Variants in CDH18 observed in about 807,000 individuals in gnomAD.
CDH18 encodes cadherin 18.
CDH18 carries 31 observed loss-of-function variants against 67.9 expected under a neutral mutation model. That is an observed-to-expected ratio of 0.46 (90% CI 0.34 to 0.62). The LOEUF (loss-of-function observed/expected upper bound fraction) is 0.62, where lower values mean the gene tolerates loss of function less well. Among genes scored for constraint, CDH18 ranks in the 20% least tolerant of loss-of-function variants. The pLI, the probability that CDH18 is intolerant of heterozygous loss-of-function variation, is 0.01. For missense variants in CDH18, 890 were observed against 975.5 expected (o/e 0.91, Z 1.17); for synonymous variants, 362 against 347.2 (o/e 1.04, Z -0.48).
chr5:20,290,795 A>G (rs932366659), intron 1 of CDH18, among the ~76,000 whole-genome samples: 10 of 152,120 alleles, frequency 6.6e-5, no homozygotes, highest in African/African-American at 2.2e-4. Flanking sequence ...TGGAAGAAGG[A>G]GGCAGAAGGT....
chr5:20,272,695 T>C (rs1221922272), intron 1 of CDH18, among the ~76,000 whole-genome samples: 2 of 152,148 alleles, frequency 1.3e-5, no homozygotes, highest in African/African-American at 4.8e-5. Flanking sequence ...ACTAGCTCTG[T>C]TTGATTCCAA....
At chr5:19,651,327 G>T (rs1328655919) in intron 5 of CDH18, among the ~76,000 whole-genome samples, 1 of 151,858 alleles carries the variant, frequency 6.6e-6, no homozygotes, top group Non-Finnish European at 1.5e-5. Flanking sequence ...AAAATCTCTG[G>T]ATTTAAAAAA....
intron 1 of CDH18, among the ~76,000 whole-genome samples, chr5:20,333,903 A>C (rs78082826): frequency 4.2e-5 from 1 of 23,692 alleles, no homozygotes; most frequent in Non-Finnish European, 2.2e-4. Context: ...AAAAGACATA[A>C]GTTATTCCTA....
intron 1 of CDH18, among the ~76,000 whole-genome samples, chr5:20,341,273 A>G (rs1442657603): frequency 6.6e-6 from 1 of 152,084 alleles, no homozygotes; most frequent in Non-Finnish European, 1.5e-5. Context: ...GCACCATCAA[A>G]TCAGCAACCA....
In CDH18 at chr5:20,239,220, C is replaced by T. The variant is rs565016662; in HGVS notation, c.-518+16224G>A. ...CTGTAATCCCAGAACTTTGGGAGGC[C>T]GAGGCAGGCAGATTGCCTGAGCTCA... On this transcript the variant is annotated intron_variant, in intron 2 of 14. Transcript: ENST00000507958. Among the ~76,000 whole-genome samples, 9 of 151,990 alleles carry T rather than the reference C, an allele frequency of 5.9e-5. No individual in the cohort carries two copies. The South Asian group carries it at 6.2e-4, about 11-fold the overall frequency.
intron 9 of CDH18, among the ~76,000 whole-genome samples, chr5:19,522,266 A>G (rs539979334): frequency 6.6e-6 from 1 of 152,280 alleles, no homozygotes; most frequent in South Asian, 2.1e-4. Context: ...ATAAAACAAC[A>G]AATGACAAGA....
chr5:20,255,646 G>A (rs1744177037), intron 1 of CDH18: 1 of 151,808 alleles, frequency 6.6e-6, no homozygotes, highest in Admixed American at 6.6e-5. Context: ...AAATTTTTGA[G>A]AAGTTTGAAC....
chr5:19,550,237 G>A (rs929350884), intron 8 of CDH18, among the ~76,000 whole-genome samples: 1 of 152,058 alleles, frequency 6.6e-6, no homozygotes, highest in Non-Finnish European at 1.5e-5. Context: ...TATTCACCAT[G>A]TTAGACTTTA....
intron 2 of CDH18, among the ~76,000 whole-genome samples, chr5:19,960,834 T>C (rs965754642): frequency 2.0e-5 from 3 of 150,028 alleles, no homozygotes; most frequent in Non-Finnish European, 4.4e-5. Context: ...CAAATATACA[T>C]ACATATATGT....
chr5:20,109,997 T>C (rs1747318555), intron 2 of CDH18, among the ~76,000 whole-genome samples: 1 of 152,158 alleles, frequency 6.6e-6, no homozygotes, highest in Non-Finnish European at 1.5e-5. Flanking sequence ...GAATTGTCAA[T>C]GAGATAGAAG....
At chr5:20,328,159 T>C (rs1738787845) in intron 1 of CDH18, among the ~76,000 whole-genome samples, 1 of 152,092 alleles carries the variant, frequency 6.6e-6, no homozygotes, top group South Asian at 2.1e-4. Flanking sequence ...GTTTTGACTC[T>C]GTATGATGTG....
chr5:19,515,011 A>G (rs144480970), intron 10 of CDH18, among the ~76,000 whole-genome samples: 188 of 152,274 alleles, frequency 1.2e-3, no homozygotes, highest in African/African-American at 4.4e-3. Flanking sequence ...TCCATCTCGA[A>G]TTAATATCTG....
intron 2 of CDH18, among the ~76,000 whole-genome samples, chr5:19,847,214 C>A (rs893705131): frequency 6.6e-6 from 1 of 152,048 alleles, no homozygotes; most frequent in African/African-American, 2.4e-5. Context: ...TTTAAGTAAA[C>A]TCATTGATCT....
Position 20,122,830 on chromosome 5 carries a change from A to C in CDH18, c.-517-130816T>G, listed in dbSNP as rs532842041. ...ACAAAGTATATATATATATATATAC[A>C]TATATATATATTCCCTATATAACAT... On this transcript the variant is annotated intron_variant, in intron 2 of 14. Coordinates refer to the CDH18 transcript ENST00000507958. Among the ~76,000 whole-genome samples, 216 of 147,602 alleles carry C rather than the reference A, an allele frequency of 1.5e-3. 1 individual carries two copies. The highest frequency in any genetic ancestry group is 5.1e-3 in the African/African-American group (208 of 40,748).
At chr5:20,405,609 C>T (rs1746174764) in intron 1 of CDH18, among the ~76,000 whole-genome samples, 1 of 152,086 alleles carries the variant, frequency 6.6e-6, no homozygotes, top group African/African-American at 2.4e-5. Context: ...AACTAAAGAG[C>T]TTCTGCACAG....
intron 3 of CDH18, among the ~76,000 whole-genome samples, chr5:19,769,254 T>C (rs1363693545): frequency 2.0e-5 from 3 of 152,108 alleles, no homozygotes; most frequent in Non-Finnish European, 2.9e-5. Flanking sequence ...CATATTGATA[T>C]ACATTGCTAT....
intron 5 of CDH18, among the ~76,000 whole-genome samples, chr5:19,695,411 C>A (rs1487547330): frequency 2.6e-5 from 4 of 152,102 alleles, no homozygotes; most frequent in African/African-American, 9.7e-5. Context: ...CAACTTGCTA[C>A]CCAGAAAGGG....
intron 2 of CDH18, among the ~76,000 whole-genome samples, chr5:20,238,751 T>C (rs1371622147): frequency 6.6e-6 from 1 of 152,188 alleles, no homozygotes; most frequent in Non-Finnish European, 1.5e-5. Flanking sequence ...GTTGCTCTAT[T>C]AGACATAGGC....
intron 1 of CDH18, among the ~76,000 whole-genome samples, chr5:20,274,062 G>T (rs2126674681): frequency 6.6e-6 from 1 of 152,206 alleles, no homozygotes; most frequent in South Asian, 2.1e-4. Flanking sequence ...GAAAGTTTCA[G>T]AAATGTCTCT....
Sources: allele counts gnomAD v4.1 joint callset (sites outside exome capture counted in the v4.1 genomes callset), GRCh38; gene constraint gnomAD v4.1.1; transcripts MANE v1.5; gene names NCBI Gene and HGNC (gene_info 2026-07-23, HGNC 2026-07-21).